Variants in CEP85L observed in about 807,000 individuals in gnomAD.
CEP85L encodes the protein centrosomal protein of 85 kDa-like.
In CEP85L, 60 loss-of-function variants were observed where a neutral mutation model predicts 100.3. The observed-to-expected ratio is 0.60, with a 90% CI of 0.49 to 0.74. The LOEUF is 0.74. Among genes scored for constraint, CEP85L ranks in the 30% least tolerant of loss-of-function variants. CEP85L has a pLI of 0.00. For missense variants in CEP85L, 973 were observed against 936.2 expected (o/e 1.04, Z -0.51); for synonymous variants, 319 against 322.7 (o/e 0.99, Z 0.12).
intron 2 of CEP85L, among the ~76,000 whole-genome samples, chr6:118,576,471 A>C (rs1780240407): frequency 6.6e-6 from 1 of 152,230 alleles, no homozygotes; most frequent in African/African-American, 2.4e-5. Context: ...CTAACATTCA[A>C]ACGGGTTTGT....
chr6:118,637,982 C>T (rs1381958906), intron 1 of CEP85L, among the ~76,000 whole-genome samples: 2 of 151,916 alleles, frequency 1.3e-5, no homozygotes, highest in Non-Finnish European at 2.9e-5. Flanking sequence ...ATCAATCTAG[C>T]AAAAATGTTA....
intron 3 of CEP85L, among the ~76,000 whole-genome samples, chr6:118,531,631 T>C (rs1281285180): frequency 6.6e-6 from 1 of 151,850 alleles, no homozygotes; most frequent in Non-Finnish European, 1.5e-5. Flanking sequence ...AGGTCTAATA[T>C]CCACAATCTA....
chr6:118,464,548 C>A lies in CEP85L; in HGVS notation c.*857G>T, dbSNP rs1206158271. The A allele has an allele frequency of 1.3e-5, 2 of 151,560 alleles. No homozygotes were observed. The allele number at this position is 151,560 out of a possible 1,614,324, so 9.4% of individuals were successfully genotyped here. Reference sequence around the variant, plus strand: ...TTAATCTTCCTTTTATAATAATGATCCAATGCCTTTATTAATTATATATGG... The same window carrying A: ...TTAATCTTCCTTTTATAATAATGATACAATGCCTTTATTAATTATATATGG... On this transcript the variant is annotated 3_prime_UTR_variant, in exon 13 of 13. Transcript: ENST00000368491.
rs560028667 is a variant in CEP85L, at chr6:118,669,758, A to G, written c.-27-16950T>C. 3.9e-5 allele frequency among the ~76,000 whole-genome samples: 6 copies of G among 152,050 alleles called. No individual in the cohort carries two copies. The South Asian group carries it at 1.2e-3, about 32-fold the overall frequency. On this transcript the variant is annotated intron_variant, in intron 1 of 13. Coordinates refer to the CEP85L transcript ENST00000368488. ...AGTTCAGGGCCTCACTCATATATTT[A>G]TCTCATGAACTAAACCCCTGTAATT...
chr6:118,535,077 G>A (rs1048220078), intron 3 of CEP85L, among the ~76,000 whole-genome samples: 4 of 151,906 alleles, frequency 2.6e-5, no homozygotes, highest in African/African-American at 7.3e-5. Context: ...CTAAAAACAC[G>A]TCCACATAGA....
intron 2 of CEP85L, among the ~76,000 whole-genome samples, chr6:118,572,523 G>C (rs1301187140): frequency 3.3e-5 from 5 of 151,892 alleles, no homozygotes; most frequent in African/African-American, 1.2e-4. Context: ...AGTGAGCTGA[G>C]ATTGCGCCAT....
chr6:118,678,926 G>A (rs1415881176), intron 1 of CEP85L, among the ~76,000 whole-genome samples: 1 of 131,394 alleles, frequency 7.6e-6, no homozygotes, highest in Non-Finnish European at 1.7e-5. Context: ...GTGAGACTAA[G>A]AAAATATTAA....
chr6:118,490,902 C>T (rs1484374007), intron 6 of CEP85L, among the ~76,000 whole-genome samples: 1 of 151,944 alleles, frequency 6.6e-6, no homozygotes, highest in South Asian at 2.1e-4. Flanking sequence ...CACACACACA[C>T]CACATTTTCT....
intron 2 of CEP85L, among the ~76,000 whole-genome samples, chr6:118,619,581 A>T (rs1773303871): frequency 6.6e-6 from 1 of 152,160 alleles, no homozygotes; most frequent in African/African-American, 2.4e-5. Flanking sequence ...CACACCGAAA[A>T]GAAAACGTAA....
At chr6:118,707,913 C>T (rs1293812792) in intron 1 of CEP85L, among the ~76,000 whole-genome samples, 2 of 119,204 alleles carry the variant, frequency 1.7e-5, no homozygotes, top group Non-Finnish European at 3.2e-5. Context: ...TGTCAAAAAT[C>T]TAAAAGACCA....
At chr6:118,691,948 G>A (rs975990811) in intron 1 of CEP85L, among the ~76,000 whole-genome samples, 1 of 152,102 alleles carries the variant, frequency 6.6e-6, no homozygotes, top group Non-Finnish European at 1.5e-5. Flanking sequence ...TCTACTTGGA[G>A]TAGGATTGCT....
At chr6:118,468,877 T>C (rs1418152500) in intron 12 of CEP85L, among the ~76,000 whole-genome samples, 195 bp downstream of exon 12, 3 of 152,172 alleles carry the variant, frequency 2.0e-5, no homozygotes, top group Non-Finnish European at 4.4e-5. Flanking sequence ...TTCTACCAAG[T>C]GGCAGTTAAT....
At chr6:118,690,231 A>G (rs1450413554) in intron 1 of CEP85L, among the ~76,000 whole-genome samples, 2 of 152,174 alleles carry the variant, frequency 1.3e-5, no homozygotes, top group Non-Finnish European at 2.9e-5. Context: ...CAATCTTGTA[A>G]TTTATGATTC....
intron 3 of CEP85L, among the ~76,000 whole-genome samples, chr6:118,557,101 T>C (rs892553009): frequency 5.3e-5 from 8 of 152,162 alleles, no homozygotes; most frequent in African/African-American, 1.7e-4. Flanking sequence ...GTACTTAACA[T>C]CAAATCTTAT....
chr6:118,599,854 T>G (rs1781637203), intron 2 of CEP85L, among the ~76,000 whole-genome samples: 1 of 152,140 alleles, frequency 6.6e-6, no homozygotes, highest in South Asian at 2.1e-4. Flanking sequence ...TATAAAATAT[T>G]TGACTAGTTC....
intron 1 of CEP85L, among the ~76,000 whole-genome samples, chr6:118,671,954 G>C (rs1268221050): frequency 6.6e-6 from 1 of 152,016 alleles, no homozygotes; most frequent in Non-Finnish European, 1.5e-5. Context: ...TAAATAAAAG[G>C]ACAAAAATTG....
At chr6:118,594,853 CA>C (rs11332072) in intron 2 of CEP85L, among the ~76,000 whole-genome samples, 51,814 of 105,092 alleles carry the variant, frequency 0.49, 8,882 homozygotes, top group Middle Eastern at 0.63. Flanking sequence ...GAGATTGTCT[CA>C]AAAAAAAAAA....
At position 118,566,284 on chromosome 6, in the gene CEP85L, T is replaced by A. The variant is rs1471402724; in HGVS notation, c.265A>T (p.Lys89Ter). 6.2e-7 allele frequency: 1 copy of A among 1,613,644 alleles called. No individual in the cohort carries two copies. The highest frequency in any genetic ancestry group is 8.5e-7 in the Non-Finnish European group (1 of 1,179,878). ...HSTSSGTLSFKPSQSLITLPT... is the reference protein window; with the variant it reads ...HSTSSGTLSF The stretch of plus-strand genomic sequence containing the variant: ...AGAGTAATCAATGATTGACTAGGCT[T>A]AAAAGATAATGTGCCACTTGAAGTT... The change falls in exon 3 of 13, where the codon AAG (lysine) becomes TAG (stop). Residue 89 changes from lysine (K) to a stop codon, truncating the protein, a stop_gained. Coordinates refer to ENST00000368491, the MANE Select transcript of CEP85L (RefSeq NM_001042475.3). LOFTEE classifies it high-confidence loss of function.
At chr6:118,568,203 C>T (rs1447778200) in intron 2 of CEP85L, among the ~76,000 whole-genome samples, 5 of 152,174 alleles carry the variant, frequency 3.3e-5, no homozygotes, top group African/African-American at 7.2e-5. Flanking sequence ...ATCAAAATTC[C>T]TATCCCAGAA....
Sources: gnomAD v4.1 joint callset for allele counts (sites outside exome capture counted in the v4.1 genomes callset) on GRCh38, gnomAD v4.1.1 for gene constraint, MANE v1.5 for transcripts, NCBI Gene and HGNC (gene_info 2026-07-23, HGNC 2026-07-21) for gene names.